The following LRRC58 variants were observed in gnomAD, a reference collection of about 807,000 sequenced individuals.
The protein encoded by LRRC58 is leucine-rich repeat-containing protein 58.
LRRC58 carries 18 observed loss-of-function variants against 30.6 expected under a neutral mutation model. The observed-to-expected ratio is 0.59, with a 90% CI of 0.41 to 0.87. The LOEUF is 0.87. Among genes scored for constraint, LRRC58 ranks in the 40% least tolerant of loss-of-function variants. The pLI is 0.00. For synonymous variants in LRRC58, 221 were observed against 206.0 expected, an observed-to-expected ratio of 1.07 and a Z score of -0.62; for missense variants, 420 against 468.4, an observed-to-expected ratio of 0.90 and a Z score of 0.95.
rs1935651351 is a variant in LRRC58, at chr3:120,324,804, C to T, written c.*6396G>A. The stretch of plus-strand genomic sequence containing the variant: ...TTGATATTAATATAATAAACAATAA[C>T]TTATCCTAAATATAAAAATTGTTGA... On this transcript the variant is annotated 3_prime_UTR_variant, in exon 4 of 4. Transcript: ENST00000295628. The T allele has an allele frequency of 6.6e-6, 1 of 152,078 alleles. No individual in the cohort carries two copies. Among genetic ancestry groups the T allele is most frequent in the South Asian group, 2.1e-4 (1 of 4,824 alleles). 9.4% of individuals were successfully genotyped at this position (152,078 alleles called of 1,614,324 possible). A position where few individuals can be genotyped will look rare whatever the true frequency, so the allele number is the denominator to read the frequency against.
chr3:120,333,147 T>C (rs1055024887), intron 3 of LRRC58, among the ~76,000 whole-genome samples: 9 of 146,708 alleles, frequency 6.1e-5, no homozygotes, highest in African/African-American at 2.3e-4. Context: ...CCTCCCAAAG[T>C]GATAGAATTA....
Position 120,339,044 on chromosome 3 carries a change from T to G in LRRC58, c.501-3091A>C, listed in dbSNP as rs539975558. ...GTGTATTTTTATTTTAAGTGTAAATTTTTATAAATGAAGCATAATTTGAAG... is the reference window on the plus strand; with the variant it reads ...GTGTATTTTTATTTTAAGTGTAAATGTTTATAAATGAAGCATAATTTGAAG... On this transcript the variant is annotated intron_variant, in intron 1 of 3. Transcript: ENST00000295628. Among the ~76,000 whole-genome samples, 82 of 152,322 alleles carry G rather than the reference T, an allele frequency of 5.4e-4. 1 individual carries two copies. The South Asian group carries it at 0.017, about 31-fold the overall frequency.
intron 1 of LRRC58, among the ~76,000 whole-genome samples, chr3:120,346,934 A>G (rs1242402332): frequency 6.6e-6 from 1 of 152,174 alleles, no homozygotes; most frequent in East Asian, 1.9e-4. Context: ...AGCCTTCAAG[A>G]CCTGACACGG....
At chr3:120,337,279 A>G (rs1935847818) in intron 1 of LRRC58, among the ~76,000 whole-genome samples, 1 of 152,208 alleles carries the variant, frequency 6.6e-6, no homozygotes, top group Non-Finnish European at 1.5e-5. Flanking sequence ...ACCTAGTATT[A>G]TCACCAGCAT....
At position 120,327,247 on chromosome 3, in the gene LRRC58, C is replaced by CTTTTGTT. The variant is rs1935690270; in HGVS notation, c.*3952_*3953insAACAAAA. On this transcript the variant is annotated 3_prime_UTR_variant, in exon 4 of 4. Transcript: ENST00000295628. ...CTAGCCCTGTGGCTTCTAAAGATTT[C>CTTTTGTT]TTTTTTTTTTTTTTTTTTTTTTGAG... is the stretch of plus-strand genomic sequence containing the variant. The CTTTTGTT allele has an allele frequency of 1.0e-5, 1 of 96,714 alleles. No individual in the cohort carries two copies. Among genetic ancestry groups the CTTTTGTT allele is most frequent in the African/African-American group, 4.1e-5 (1 of 24,624 alleles). 6.0% of individuals were successfully genotyped at this position (96,714 alleles called of 1,614,324 possible). A position where few individuals can be genotyped will look rare whatever the true frequency, so the allele number is the denominator to read the frequency against.
chr3:120,343,577 GA>G (rs1477580598), intron 1 of LRRC58, among the ~76,000 whole-genome samples: 23 of 152,236 alleles, frequency 1.5e-4, no homozygotes, highest in South Asian at 2.1e-4. Context: ...ATTGTCTCTT[GA>G]AAAATGAATC....
intron 1 of LRRC58, among the ~76,000 whole-genome samples, chr3:120,348,211 C>T (rs1464246860): frequency 2.0e-5 from 3 of 152,234 alleles, no homozygotes; most frequent in Admixed American, 2.0e-4. Context: ...TCAACACATA[C>T]TGAGTGCCTA....
intron 3 of LRRC58, among the ~76,000 whole-genome samples, chr3:120,332,020 T>C (rs949933329): frequency 4.6e-5 from 7 of 152,218 alleles, no homozygotes; most frequent in African/African-American, 1.7e-4. Context: ...AAGTAATATC[T>C]GGCCCTTTTG....
Position 120,330,920 on chromosome 3 carries a change from C to A in LRRC58, c.*280G>T. ...TGCAGAACTGCTCTTCAAAAGGTACCATTCTGCTTTGTGATTCATGCAAAA... is the reference window on the plus strand; with the variant it reads ...TGCAGAACTGCTCTTCAAAAGGTACAATTCTGCTTTGTGATTCATGCAAAA... On this transcript the variant is annotated 3_prime_UTR_variant, in exon 4 of 4. Transcript: ENST00000295628. The A allele has an allele frequency of 2.4e-6, 1 of 411,534 alleles. No individual in the cohort carries two copies. Among genetic ancestry groups the A allele is most frequent in the Non-Finnish European group, 4.5e-6 (1 of 221,844 alleles). The allele number at this position is 411,534 out of a possible 1,614,324, so 25.5% of individuals were successfully genotyped here.
chr3:120,339,858 A>T (rs947291087), intron 1 of LRRC58, among the ~76,000 whole-genome samples: 3 of 151,106 alleles, frequency 2.0e-5, no homozygotes, highest in Non-Finnish European at 3.0e-5. Context: ...CAGTTTTTTA[A>T]TTTTTTTTTA....
chr3:120,339,600 C>T (rs1045753553), intron 1 of LRRC58, among the ~76,000 whole-genome samples: 3 of 152,190 alleles, frequency 2.0e-5, no homozygotes, highest in Non-Finnish European at 2.9e-5. Context: ...TTCCTTGGCA[C>T]TACGAAGATG....
At position 120,334,965 on chromosome 3, in the gene LRRC58, C is replaced by T; in HGVS notation, c.804G>A (p.Arg268=). 1 of 1,613,746 alleles carries T rather than the reference C, an allele frequency of 6.2e-7. No individual in the cohort carries two copies. Among genetic ancestry groups the T allele is most frequent in the Non-Finnish European group, 8.5e-7 (1 of 1,179,796 alleles). The part of the protein sequence containing the change: ...DPPTLLELAA[R]TIKIRNISYT... ...AGGAAATATTTCGAATCTTAATGGT[C>T]CGTGCAGCTAATTCCAGGAGAGTTG... is the stretch of plus-strand genomic sequence containing the variant. The change falls in exon 3 of 4, where the codon CGG becomes CGA. Residue 268 remains arginine (R), a synonymous_variant. Transcript: ENST00000295628.
intron 3 of LRRC58, among the ~76,000 whole-genome samples, chr3:120,334,651 G>C (rs943378915): frequency 6.6e-6 from 1 of 152,112 alleles, no homozygotes; most frequent in Non-Finnish European, 1.5e-5. Context: ...TGTCAAGACA[G>C]GATGAGACTT....
Position 120,349,338 on chromosome 3 carries a change from A to C in LRRC58, c.-95T>G. ...CTGCGGCGCCCCGGAACCTGAACCG[A>C]GGGCTGAGTCGGAAGTGGCGCGGGC... On this transcript the variant is annotated 5_prime_UTR_variant, in exon 1 of 4. Coordinates refer to ENST00000295628, the MANE Select transcript of LRRC58 (RefSeq NM_001099678.2). The C allele has an allele frequency of 8.0e-7, 1 of 1,252,862 alleles. No homozygotes were observed. Among genetic ancestry groups the C allele is most frequent in the Non-Finnish European group, 1.0e-6 (1 of 981,018 alleles). The allele number at this position is 1,252,862 out of a possible 1,614,324, so 77.6% of individuals were successfully genotyped here. A position where few individuals can be genotyped will look rare whatever the true frequency, so the allele number is the denominator to read the frequency against.
chr3:120,344,026 G>A (rs1161978642), intron 1 of LRRC58, among the ~76,000 whole-genome samples: 6 of 151,880 alleles, frequency 4.0e-5, no homozygotes, highest in East Asian at 1.9e-4. Flanking sequence ...TGGACAGGGC[G>A]AGACTCTGAC....
chr3:120,348,802 G>A lies in LRRC58; in HGVS notation c.442C>T (p.Leu148=). Residue 148 remains leucine (L), a synonymous_variant, in exon 1 of 4, where the codon CTG becomes TTG. Coordinates refer to ENST00000295628, the MANE Select transcript of LRRC58 (RefSeq NM_001099678.2). The part of the protein sequence containing the change: ...SLLELRALQT[L]SLGGNQLQSI... ...TGCAGTTGGTTGCCGCCCAGGCTCA[G>A]GGTCTGCAGCGCGCGCAGCTCTAAG... 2 of 1,607,390 alleles carry A rather than the reference G, an allele frequency of 1.2e-6. No individual in the cohort carries two copies. The highest frequency in any genetic ancestry group is 1.7e-6 in the Non-Finnish European group (2 of 1,177,736).
intron 1 of LRRC58, among the ~76,000 whole-genome samples, chr3:120,337,287 CATTT>C (rs202166382): frequency 0.014 from 2,176 of 152,296 alleles, 25 homozygotes; most frequent in Middle Eastern, 0.041. Context: ...TTATCACCAG[CATTT>C]ATTTATTTAT....
intron 1 of LRRC58, among the ~76,000 whole-genome samples, chr3:120,345,251 GAA>G (rs1395573292): frequency 6.6e-6 from 1 of 152,190 alleles, no homozygotes; most frequent in Non-Finnish European, 1.5e-5. Context: ...CTTAAATGAT[GAA>G]GAGTGGAAGG....
At chr3:120,348,443 T>C (rs1157332373) in intron 1 of LRRC58, among the ~76,000 whole-genome samples, 1 of 152,160 alleles carries the variant, frequency 6.6e-6, no homozygotes, top group Non-Finnish European at 1.5e-5. Flanking sequence ...CAACCTCTGA[T>C]TTACATCTGT....
Sources: allele counts gnomAD v4.1 joint callset (sites outside exome capture counted in the v4.1 genomes callset), GRCh38; gene constraint gnomAD v4.1.1; transcripts MANE v1.5; gene names NCBI Gene and HGNC (gene_info 2026-07-23, HGNC 2026-07-21).